FNBP1L: variants seen among roughly 807,000 people sequenced by gnomAD.
FNBP1L encodes the protein formin-binding protein 1-like.
A neutral mutation model predicts 91.2 loss-of-function variants in FNBP1L; 36 were observed. That is an observed-to-expected ratio of 0.39 (90% CI 0.30 to 0.52). The LOEUF (loss-of-function observed/expected upper bound fraction) is 0.52. Ranked by LOEUF, FNBP1L falls within the 20% of genes least tolerant of loss-of-function variation. The pLI, the probability that FNBP1L is intolerant of heterozygous loss-of-function variation, is 0.66. For synonymous variants in FNBP1L, 242 were observed against 237.0 expected (o/e 1.02, Z -0.19); for missense variants, 571 against 732.1 (o/e 0.78, Z 2.54).
chr1:93,552,557 A>G lies in FNBP1L; in HGVS notation c.*141A>G, dbSNP rs1672446798. ...TGCATGCAGACATGATTTTTTTTTTACTAACTTCATTAGCATTTCCATACA... is the reference window on the plus strand; with the variant it reads ...TGCATGCAGACATGATTTTTTTTTTGCTAACTTCATTAGCATTTCCATACA... On this transcript the variant is annotated 3_prime_UTR_variant, in exon 17 of 17. Coordinates refer to ENST00000271234, the MANE Select transcript of FNBP1L (RefSeq NM_001164473.3). The G allele has an allele frequency of 1.4e-6, 1 of 712,388 alleles. No individual in the cohort carries two copies. The highest frequency in any genetic ancestry group is 1.8e-5 in the African/African-American group (1 of 54,924). The allele number at this position is 712,388 out of a possible 1,614,324, so 44.1% of individuals were successfully genotyped here. A position where few individuals can be genotyped will look rare whatever the true frequency, so the allele number is the denominator to read the frequency against.
chr1:93,448,314 G>A lies in FNBP1L; in HGVS notation c.24+9G>A, dbSNP rs549494060. ...GGGGCACGGAGCTGTGGGTGAGTCG[G>A]GGAGAGGGGCGCCCCGCACGGACCC... On this transcript the variant is annotated intron_variant, in intron 1 of 16. Coordinates refer to ENST00000271234, the MANE Select transcript of FNBP1L (RefSeq NM_001164473.3). The A allele has an allele frequency of 8.8e-4, 1,335 of 1,508,622 alleles. 16 individuals carry two copies. In the African/African-American group the frequency reaches 0.017, roughly 19 times the overall value. The allele number at this position is 1,508,622 out of a possible 1,614,324, so 93.5% of individuals were successfully genotyped here.
At chr1:93,543,244 G>A (rs1368651172) in intron 11 of FNBP1L, among the ~76,000 whole-genome samples, 1 of 152,080 alleles carries the variant, frequency 6.6e-6, no homozygotes, top group Non-Finnish European at 1.5e-5. Flanking sequence ...TGTAATATAA[G>A]TAACAGTGAT....
intron 1 of FNBP1L, among the ~76,000 whole-genome samples, chr1:93,495,777 C>G (rs138313689): frequency 6.6e-6 from 1 of 152,000 alleles, no homozygotes; most frequent in Non-Finnish European, 1.5e-5. Flanking sequence ...GAAATTTGAG[C>G]TATATAGAAA....
intron 1 of FNBP1L, among the ~76,000 whole-genome samples, chr1:93,485,377 G>A (rs1259630763): frequency 3.3e-5 from 5 of 152,144 alleles, no homozygotes; most frequent in Middle Eastern, 3.4e-3. Flanking sequence ...CCCCTATAGA[G>A]AACAATTATC....
chr1:93,470,403 C>T (rs1669244727), intron 1 of FNBP1L, among the ~76,000 whole-genome samples: 1 of 152,202 alleles, frequency 6.6e-6, no homozygotes, highest in Non-Finnish European at 1.5e-5. Flanking sequence ...GCTGGGATTA[C>T]AGGCATGAGC....
chr1:93,515,837 C>T (rs548922395), intron 2 of FNBP1L, among the ~76,000 whole-genome samples: 1 of 152,038 alleles, frequency 6.6e-6, no homozygotes, highest in East Asian at 1.9e-4. Context: ...GTGAGTGCAG[C>T]CCACCAGCAT....
chr1:93,451,192 T>G (rs1490678434), intron 1 of FNBP1L, among the ~76,000 whole-genome samples: 3 of 152,244 alleles, frequency 2.0e-5, no homozygotes, highest in Non-Finnish European at 4.4e-5. Flanking sequence ...CTTTATTACA[T>G]AGCAAGAATG....
chr1:93,530,340 C>T (rs960747096), intron 6 of FNBP1L, among the ~76,000 whole-genome samples: 9 of 152,166 alleles, frequency 5.9e-5, no homozygotes, highest in African/African-American at 2.2e-4. Flanking sequence ...AAATGTTTTA[C>T]TGTTAACTTT....
rs773713082 is a variant in FNBP1L at position 93,530,820 on chromosome 1, A to G, written c.576A>G (p.Gln192=). The change falls in exon 7 of 17, where the codon CAA becomes CAG. Residue 192 remains glutamine (Q), a synonymous_variant. Coordinates refer to ENST00000271234, the MANE Select transcript of FNBP1L (RefSeq NM_001164473.3). ...AAAATAAAAATGAATATGCTGCACA[A>G]TTACAAAACTTTAATGGAGAACAAC... ...ADENKNEYAA[Q]LQNFNGEQHK... 3 of 1,570,790 alleles carry G rather than the reference A, an allele frequency of 1.9e-6. No individual in the cohort carries two copies. Among genetic ancestry groups the G allele is most frequent in the South Asian group, 1.2e-5 (1 of 85,464 alleles).
chr1:93,514,753 A>T (rs1398031891), intron 2 of FNBP1L, among the ~76,000 whole-genome samples: 1 of 151,752 alleles, frequency 6.6e-6, no homozygotes, highest in Non-Finnish European at 1.5e-5. Flanking sequence ...CTTACACCTT[A>T]TACAAAAATC....
chr1:93,482,723 C>G (rs563910128), intron 1 of FNBP1L, among the ~76,000 whole-genome samples: 1 of 151,852 alleles, frequency 6.6e-6, no homozygotes, highest in African/African-American at 2.4e-5. Context: ...TGAAACCCCT[C>G]TCTCTACAAA....
At chr1:93,475,894 AT>A (rs1439015688) in intron 1 of FNBP1L, among the ~76,000 whole-genome samples, 2 of 152,278 alleles carry the variant, frequency 1.3e-5, no homozygotes, top group South Asian at 2.1e-4. Flanking sequence ...GAAATCAGAA[AT>A]TCTTACTGGT....
intron 11 of FNBP1L, among the ~76,000 whole-genome samples, chr1:93,542,776 C>CTT (rs34922906): frequency 2.0e-4 from 25 of 125,576 alleles, no homozygotes; most frequent in South Asian, 1.8e-3. Flanking sequence ...TTTTCTTTAC[C>CTT]TTTTTTTTTT....
chr1:93,515,431 C>T (rs1377694188), intron 2 of FNBP1L, among the ~76,000 whole-genome samples: 1 of 151,738 alleles, frequency 6.6e-6, no homozygotes, highest in Non-Finnish European at 1.5e-5. Flanking sequence ...ACCCAAAGGA[C>T]TATAAATCAT....
intron 1 of FNBP1L, among the ~76,000 whole-genome samples, chr1:93,458,012 C>T (rs560960560): frequency 5.9e-5 from 9 of 152,138 alleles, no homozygotes; most frequent in South Asian, 2.1e-4. Context: ...AGGATGGTCT[C>T]GACCTCCTGA....
chr1:93,532,844 G>A, intron 7 of FNBP1L, 78 bp from the exon 8 acceptor site: 1 of 1,045,756 alleles, frequency 9.6e-7, no homozygotes, highest in Non-Finnish European at 1.4e-6. Context: ...AATTTTTGAT[G>A]GGGGATCACT....
intron 2 of FNBP1L, among the ~76,000 whole-genome samples, chr1:93,502,520 C>A (rs1670470263): frequency 6.6e-6 from 1 of 152,136 alleles, no homozygotes; most frequent in South Asian, 2.1e-4. Flanking sequence ...AATCAAATGG[C>A]AGACTTGTTT....
At chr1:93,510,402 C>A (rs2101736173) in intron 2 of FNBP1L, among the ~76,000 whole-genome samples, 1 of 152,300 alleles carries the variant, frequency 6.6e-6, no homozygotes, top group African/African-American at 2.4e-5. Context: ...AGGGTCCTGT[C>A]TGTTAGAAGG....
intron 1 of FNBP1L, among the ~76,000 whole-genome samples, chr1:93,450,642 C>T (rs1455590666): frequency 6.6e-6 from 1 of 152,128 alleles, no homozygotes; most frequent in Non-Finnish European, 1.5e-5. Context: ...TGTGCTCTTG[C>T]CATTGAGGAA....
Sources: gnomAD v4.1 joint callset for allele counts (sites outside exome capture counted in the v4.1 genomes callset) on GRCh38, gnomAD v4.1.1 for gene constraint, MANE v1.5 for transcripts, NCBI Gene and HGNC (gene_info 2026-07-23, HGNC 2026-07-21) for gene names.